PPP4R3A: variants seen among roughly 807,000 people sequenced by gnomAD.
PPP4R3A encodes serine/threonine-protein phosphatase 4 regulatory subunit 3A.
Under a neutral mutation model 91.7 loss-of-function variants are expected in PPP4R3A, and 15 were observed. The ratio of observed to expected loss-of-function variants is 0.16; its 90% CI spans 0.11 to 0.25. PPP4R3A has a LOEUF of 0.25. Among genes scored for constraint, PPP4R3A ranks in the 10% least tolerant of loss-of-function variants. PPP4R3A has a pLI of 1.00. For missense variants in PPP4R3A, 623 were observed against 998.4 expected, an observed-to-expected ratio of 0.62 and a Z score of 5.07; for synonymous variants, 377 against 348.7, an observed-to-expected ratio of 1.08 and a Z score of -0.91.
At chr14:91,477,074 A>G (rs1489858483) in intron 4 of PPP4R3A, 88 bp from the exon 5 acceptor site, 1 of 1,019,674 alleles carries the variant, frequency 9.8e-7, no homozygotes, top group Non-Finnish European at 1.4e-6. Flanking sequence ...ACACAGCAAT[A>G]ACTATAAAAA....
At chr14:91,485,311 T>C (rs1326456187) in intron 3 of PPP4R3A, among the ~76,000 whole-genome samples, 1 of 152,230 alleles carries the variant, frequency 6.6e-6, no homozygotes, top group Non-Finnish European at 1.5e-5. Context: ...AGCAACTGCA[T>C]GGCACTTAGA....
intron 10 of PPP4R3A, 120 bp from the exon 11 acceptor site, chr14:91,465,539 T>C (rs1272829508): frequency 1.2e-6 from 1 of 822,710 alleles, no homozygotes; most frequent in Admixed American, 3.1e-5. Context: ...TAATTATTTA[T>C]GATGTTTGCA....
Position 91,457,676 on chromosome 14 carries a change from C to G in PPP4R3A, c.*1083G>C, listed in dbSNP as rs929898047. Reference sequence around the variant, plus strand: ...CAAATGTTTTTAAATCATCCATCCTCAATTTTGATTTAATGTACCGTCATT... The same window carrying G: ...CAAATGTTTTTAAATCATCCATCCTGAATTTTGATTTAATGTACCGTCATT... On this transcript the variant is annotated 3_prime_UTR_variant, in exon 15 of 15. Transcript: ENST00000554943. 6.6e-6 allele frequency: 1 copy of G among 152,540 alleles called. No homozygotes were observed. The highest frequency in any genetic ancestry group is 1.5e-5 in the Non-Finnish European group (1 of 68,002). 9.4% of individuals were successfully genotyped at this position (152,540 alleles called of 1,614,324 possible).
intron 14 of PPP4R3A, among the ~76,000 whole-genome samples, chr14:91,460,553 A>G (rs188063903): frequency 4.7e-4 from 71 of 152,014 alleles, no homozygotes; most frequent in Admixed American, 8.5e-4. Flanking sequence ...CTCAAAAGAA[A>G]AGGGTGGTTG....
In PPP4R3A at chr14:91,461,447, T is replaced by G; in HGVS notation, c.2325A>C (p.Pro775=). 1 of 1,614,146 alleles carries G rather than the reference T, an allele frequency of 6.2e-7. No homozygotes were observed. Among genetic ancestry groups the G allele is most frequent in the Non-Finnish European group, 8.5e-7 (1 of 1,179,994 alleles). The change falls in exon 14 of 15, where the codon CCA becomes CCC. Residue 775 remains proline (P), a synonymous_variant. Transcript: ENST00000554943. ...LPGSPGSPGS[P]GSPGSPGSVP... is the part of the protein sequence containing the mutation. ...CGGATCCAGGAGAGCCTGGAGATCCTGGGGATCCAGGTGATCCCGGAGAAC... is the reference window on the plus strand; with the variant it reads ...CGGATCCAGGAGAGCCTGGAGATCCGGGGGATCCAGGTGATCCCGGAGAAC...
intron 1 of PPP4R3A, among the ~76,000 whole-genome samples, chr14:91,504,627 A>C (rs569424959): frequency 6.6e-6 from 1 of 152,106 alleles, no homozygotes; most frequent in African/African-American, 2.4e-5. Context: ...AAAACAAAAA[A>C]CAAAAGGGAC....
At chr14:91,492,089 C>G (rs1296433426) in intron 1 of PPP4R3A, among the ~76,000 whole-genome samples, 1 of 152,168 alleles carries the variant, frequency 6.6e-6, no homozygotes, top group Non-Finnish European at 1.5e-5. Context: ...TAGAAATCTA[C>G]TAATTTATGG....
At chr14:91,467,054 C>G (rs1022324679) in intron 10 of PPP4R3A, among the ~76,000 whole-genome samples, 4 of 152,132 alleles carry the variant, frequency 2.6e-5, no homozygotes, top group African/African-American at 9.7e-5. Context: ...CACCACTGCA[C>G]TTCTTCCAGA....
At chr14:91,465,483 A>G in intron 10 of PPP4R3A, 64 bp from the exon 11 acceptor site, 1 of 1,401,846 alleles carries the variant, frequency 7.1e-7, no homozygotes, top group African/African-American at 1.5e-5. Flanking sequence ...GACTTACCAA[A>G]CAAAAATAAC....
intron 1 of PPP4R3A, among the ~76,000 whole-genome samples, chr14:91,499,665 AC>A (rs769999015): frequency 4.6e-5 from 7 of 151,926 alleles, no homozygotes; most frequent in Non-Finnish European, 2.9e-5. Flanking sequence ...TACTAAAAAT[AC>A]AAAAATTAGC....
intron 11 of PPP4R3A, among the ~76,000 whole-genome samples, chr14:91,463,198 T>C (rs544486077): frequency 1.1e-4 from 16 of 152,094 alleles, no homozygotes; most frequent in South Asian, 2.1e-4. Flanking sequence ...CCAGAGTAGC[T>C]GGGATTACAT....
intron 1 of PPP4R3A, among the ~76,000 whole-genome samples, chr14:91,493,105 T>C (rs1309994687): frequency 6.6e-6 from 1 of 151,930 alleles, no homozygotes; most frequent in African/African-American, 2.4e-5. Context: ...TAAGAAAAAG[T>C]AGGCTGGGCG....
At chr14:91,473,960 G>A (rs528722801) in intron 7 of PPP4R3A, among the ~76,000 whole-genome samples, 1 of 152,068 alleles carries the variant, frequency 6.6e-6, no homozygotes, top group South Asian at 2.1e-4. Context: ...GTAGAGACGG[G>A]GTTTCTCCAT....
At chr14:91,495,762 T>G (rs577054482) in intron 1 of PPP4R3A, among the ~76,000 whole-genome samples, 47 of 151,776 alleles carry the variant, frequency 3.1e-4, no homozygotes, top group African/African-American at 1.1e-3. Context: ...ATAAAAAAAT[T>G]TTAAAAATTA....
chr14:91,504,983 C>G (rs751064788), intron 1 of PPP4R3A, among the ~76,000 whole-genome samples: 2 of 152,194 alleles, frequency 1.3e-5, no homozygotes, highest in Non-Finnish European at 2.9e-5. Flanking sequence ...AACTACCCAG[C>G]CTTTCTATAC....
intron 1 of PPP4R3A, among the ~76,000 whole-genome samples, chr14:91,500,346 G>A (rs1333611233): frequency 6.6e-6 from 1 of 152,026 alleles, no homozygotes; most frequent in East Asian, 1.9e-4. Context: ...GACTACAGGC[G>A]CACACCACCA....
chr14:91,462,365 T>G (rs749144824), intron 12 of PPP4R3A, 126 bp from the exon 13 acceptor site: 7 of 969,732 alleles, frequency 7.2e-6, no homozygotes, highest in Non-Finnish European at 9.8e-6. Flanking sequence ...AGTATCAATG[T>G]AAATCCAGGT....
Position 91,504,180 on chromosome 14 carries a change from AT to A in PPP4R3A, c.142+5325del, listed in dbSNP as rs1203353984. On this transcript the variant is annotated intron_variant, in intron 1 of 14. Coordinates refer to ENST00000554943, the MANE Select transcript of PPP4R3A (RefSeq NM_001366432.2). ...ATCTCTTAAAAAAAAGAAAAAAAAA[AT>A]TTTTTTTTAATTACCCAGGCACAGT... is the stretch of plus-strand genomic sequence containing the variant. Among the ~76,000 whole-genome samples, 500 of 120,776 alleles carry A rather than the reference AT, an allele frequency of 4.1e-3. 3 individuals carry two copies. The highest frequency in any genetic ancestry group is 5.9e-3 in the Non-Finnish European group (329 of 56,116). 79.2% of individuals were successfully genotyped at this position (120,776 alleles called of 152,430 possible).
intron 1 of PPP4R3A, among the ~76,000 whole-genome samples, chr14:91,491,938 A>G (rs1890253133): frequency 6.7e-6 from 1 of 149,946 alleles, no homozygotes; most frequent in Non-Finnish European, 1.5e-5. Context: ...CTCTGGGCTC[A>G]AACAATCTAC....
Sources: allele counts gnomAD v4.1 joint callset (sites outside exome capture counted in the v4.1 genomes callset), GRCh38; gene constraint gnomAD v4.1.1; transcripts MANE v1.5; gene names NCBI Gene and HGNC (gene_info 2026-07-23, HGNC 2026-07-21).